The following PTBP3 variants were observed in gnomAD, a reference collection of about 807,000 sequenced individuals.
PTBP3 encodes the protein polypyrimidine tract binding protein 3, also known as polypyrimidine tract-binding protein 3.
In PTBP3, 20 loss-of-function variants were observed where a neutral mutation model predicts 58.7. The ratio of observed to expected loss-of-function variants is 0.34; its 90% CI spans 0.24 to 0.50. PTBP3 has a LOEUF of 0.50. PTBP3 is among the 20% of genes least tolerant of loss of function. The pLI is 0.98. For missense variants in PTBP3, 509 were observed against 637.2 expected (o/e 0.80, Z 2.17); for synonymous variants, 185 against 219.8 (o/e 0.84, Z 1.40).
At chr9:112,333,408 A>G in intron 1 of PTBP3, 62 bp downstream of exon 1, 1 of 1,545,906 alleles carries the variant, frequency 6.5e-7, no homozygotes, top group Non-Finnish European at 8.8e-7. Flanking sequence ...CGTCCCGCGG[A>G]GAGCCGGGTG....
intron 1 of PTBP3, among the ~76,000 whole-genome samples, chr9:112,312,499 TTA>T (rs1829529094): frequency 2.1e-5 from 3 of 144,476 alleles, no homozygotes; most frequent in Non-Finnish European, 3.0e-5. Flanking sequence ...TTTTTTTTTT[TTA>T]AAAAAAAAAA....
chr9:112,332,975 G>A (rs1830438866), intron 1 of PTBP3: 1 of 1,403,014 alleles, frequency 7.1e-7, no homozygotes, highest in Admixed American at 2.9e-5. Flanking sequence ...CCAGGTCGCC[G>A]CCCAGACGTG....
chr9:112,282,453 C>T (rs1380359724), intron 2 of PTBP3, among the ~76,000 whole-genome samples: 1 of 152,002 alleles, frequency 6.6e-6, no homozygotes, highest in Non-Finnish European at 1.5e-5. Flanking sequence ...AACTGGAAGC[C>T]TAGATGATTC....
chr9:112,329,685 C>G (rs73545882), intron 1 of PTBP3, among the ~76,000 whole-genome samples: 57 of 152,122 alleles, frequency 3.7e-4, no homozygotes, highest in African/African-American at 1.4e-3. Flanking sequence ...TGATTACCTA[C>G]CTTGAAGGAT....
At chr9:112,244,656 C>T (rs531963659) in intron 7 of PTBP3, among the ~76,000 whole-genome samples, 17 of 151,598 alleles carry the variant, frequency 1.1e-4, no homozygotes, top group East Asian at 3.9e-4. Flanking sequence ...TCAGCCTAGG[C>T]GACTGAGCAA....
chr9:112,374,470 C>T, the PTBP3 span, among the ~76,000 whole-genome samples: 3 of 152,150 alleles, frequency 2.0e-5, no homozygotes, highest in Non-Finnish European at 2.9e-5. Context: ...AGAAACAGTA[C>T]CATATATTGA....
intron 1 of PTBP3, among the ~76,000 whole-genome samples, chr9:112,318,326 A>T (rs555413369): frequency 2.0e-5 from 3 of 152,364 alleles, no homozygotes; most frequent in Non-Finnish European, 2.9e-5. Context: ...AATATCACAA[A>T]ACACAAGATC....
At chr9:112,379,316 T>G in the PTBP3 span, among the ~76,000 whole-genome samples, 4,052 of 152,356 alleles carry the variant, frequency 0.027, 69 homozygotes, top group Admixed American at 0.039. Context: ...CAGTTCCTCG[T>G]GTCTTCCTTC....
chr9:112,269,776 G>A (rs890329955), intron 3 of PTBP3, among the ~76,000 whole-genome samples: 8 of 152,058 alleles, frequency 5.3e-5, no homozygotes, highest in Admixed American at 5.2e-4. Context: ...TTGTAAAATG[G>A]TGATCAATAC....
intron 4 of PTBP3, among the ~76,000 whole-genome samples, chr9:112,266,455 T>G (rs1354897822): frequency 6.6e-6 from 1 of 152,190 alleles, no homozygotes; most frequent in East Asian, 1.9e-4. Context: ...TACCAAAATT[T>G]AAAATATGTA....
In PTBP3 at chr9:112,221,939, T is replaced by C. The variant is rs1834821313; in HGVS notation, c.*1912A>G. ...ACTTTTAAGAGAAGGGGTCACACTA[T>C]GTTCCAGGGCTGGAGTGAAGTGGCT... On this transcript the variant is annotated 3_prime_UTR_variant, in exon 14 of 14. Transcript: ENST00000374257. 2 of 949,894 alleles carry C rather than the reference T, an allele frequency of 2.1e-6. No homozygotes were observed. Among genetic ancestry groups the C allele is most frequent in the South Asian group, 4.9e-5 (1 of 20,506 alleles). The allele number at this position is 949,894 out of a possible 1,614,324, so 58.8% of individuals were successfully genotyped here.
At chr9:112,350,639 C>T in the PTBP3 span, among the ~76,000 whole-genome samples, 5 of 152,220 alleles carry the variant, frequency 3.3e-5, no homozygotes, top group East Asian at 9.6e-4. Context: ...AGAAATTTCT[C>T]TTCTTTTCTT....
the PTBP3 span, among the ~76,000 whole-genome samples, chr9:112,360,531 T>C: frequency 6.6e-6 from 1 of 152,064 alleles, no homozygotes; most frequent in African/African-American, 2.4e-5. Flanking sequence ...AGCTGTCTTG[T>C]GGGTAAAGGA....
chr9:112,285,225 G>C lies in PTBP3; in HGVS notation c.35-9212C>G, dbSNP rs577380638. Among the ~76,000 whole-genome samples, 3 of 152,280 alleles carry C rather than the reference G, an allele frequency of 2.0e-5. No individual in the cohort carries two copies. The South Asian group carries it at 6.2e-4, about 32-fold the overall frequency. On this transcript the variant is annotated intron_variant, in intron 2 of 13. Coordinates refer to ENST00000374257, the MANE Select transcript of PTBP3 (RefSeq NM_001163788.4). Reference sequence around the variant, plus strand: ...CAAGTTCTCACAACATGATGGTTATGTAAGCGATTGGCAGTTCCTCCTTCA... The same window carrying C: ...CAAGTTCTCACAACATGATGGTTATCTAAGCGATTGGCAGTTCCTCCTTCA...
At chr9:112,339,422 G>A in the PTBP3 span, among the ~76,000 whole-genome samples, 1 of 150,784 alleles carries the variant, frequency 6.6e-6, no homozygotes, top group Non-Finnish European at 1.5e-5. Flanking sequence ...CCTTAAAACT[G>A]TTGTCCCCCA....
At chr9:112,258,231 T>C (rs1309706016) in intron 5 of PTBP3, among the ~76,000 whole-genome samples, 1 of 152,208 alleles carries the variant, frequency 6.6e-6, no homozygotes, top group Admixed American at 6.5e-5. Flanking sequence ...AAGTAATGGA[T>C]TACATGAGAA....
At chr9:112,251,229 T>C in intron 6 of PTBP3, 126 bp from the exon 7 acceptor site, 1 of 643,112 alleles carries the variant, frequency 1.6e-6, no homozygotes, top group Non-Finnish European at 2.4e-6. Context: ...AGCCAAAGTC[T>C]TGGGTTTACT....
intron 1 of PTBP3, 33 bp downstream of exon 1, chr9:112,333,437 C>T: frequency 6.4e-7 from 1 of 1,569,290 alleles, no homozygotes; most frequent in Non-Finnish European, 8.6e-7. Context: ...GCCAAGGCAA[C>T]CCGGTGCGGC....
chr9:112,263,360 C>T (rs1836676013), intron 4 of PTBP3, among the ~76,000 whole-genome samples: 1 of 152,140 alleles, frequency 6.6e-6, no homozygotes, highest in South Asian at 2.1e-4. Flanking sequence ...CCCCAAGTAA[C>T]AACTTTATAG....
Sources: allele counts gnomAD v4.1 joint callset (sites outside exome capture counted in the v4.1 genomes callset), GRCh38; gene constraint gnomAD v4.1.1; transcripts MANE v1.5; gene names NCBI Gene and HGNC (gene_info 2026-07-23, HGNC 2026-07-21).